Variants in IMMP2L observed in about 807,000 individuals in gnomAD.
IMMP2L encodes the protein inner mitochondrial membrane peptidase subunit 2.
IMMP2L carries 18 observed loss-of-function variants against 19.3 expected under a neutral mutation model. The observed-to-expected ratio is 0.93, with a 90% CI of 0.64 to 1.38. The LOEUF (loss-of-function observed/expected upper bound fraction) is 1.38, where lower values mean the gene tolerates loss of function less well. IMMP2L is among the 40% of genes most tolerant of loss of function. The pLI, the probability that IMMP2L is intolerant of heterozygous loss-of-function variation, is 0.00. For missense variants in IMMP2L, 233 were observed against 218.2 expected (o/e 1.07, Z -0.43); for synonymous variants, 76 against 73.0 (o/e 1.04, Z -0.21).
chr7:111,048,283 A>G (rs1792647846), intron 3 of IMMP2L, among the ~76,000 whole-genome samples: 1 of 150,360 alleles, frequency 6.7e-6, no homozygotes, highest in Non-Finnish European at 1.5e-5. Context: ...AGAAAAAAGA[A>G]AAAAAGAAAT....
intron 3 of IMMP2L, among the ~76,000 whole-genome samples, chr7:111,400,920 A>G (rs973766434): frequency 6.6e-6 from 1 of 152,162 alleles, no homozygotes; most frequent in Non-Finnish European, 1.5e-5. Context: ...CAAAAAAGAA[A>G]AAAAAAAGGA....
chr7:110,932,556 A>C (rs1192221875), intron 4 of IMMP2L, among the ~76,000 whole-genome samples: 1 of 152,014 alleles, frequency 6.6e-6, no homozygotes, highest in Non-Finnish European at 1.5e-5. Context: ...GGGTTTCACC[A>C]TGTTAGCCAG....
At chr7:111,277,249 A>T (rs1819174525) in intron 3 of IMMP2L, among the ~76,000 whole-genome samples, 1 of 152,210 alleles carries the variant, frequency 6.6e-6, no homozygotes, top group Non-Finnish European at 1.5e-5. Flanking sequence ...GAACTCAAAC[A>T]ACTCTACAAG....
chr7:110,846,841 T>C (rs11505899), intron 5 of IMMP2L, among the ~76,000 whole-genome samples: 8,137 of 152,256 alleles, frequency 0.053, 708 homozygotes, highest in African/African-American at 0.18. Flanking sequence ...ACTCAATTTC[T>C]TCAATTACCA....
intron 1 of IMMP2L, among the ~76,000 whole-genome samples, chr7:111,539,196 GAGAAAGAA>G (rs56749626): frequency 0.13 from 3,876 of 29,766 alleles, 524 homozygotes; most frequent in East Asian, 0.15. Context: ...AGGAAGGAGG[GAGAAAGAA>G]AGAAAGAAAG....
intron 2 of IMMP2L, among the ~76,000 whole-genome samples, chr7:111,508,803 C>G (rs1371711522): frequency 6.6e-6 from 1 of 152,166 alleles, no homozygotes; most frequent in Non-Finnish European, 1.5e-5. Flanking sequence ...GCCAAATAGG[C>G]AAGTTCTCAA....
In IMMP2L at chr7:111,295,913, T is replaced by G. The variant is rs567853611; in HGVS notation, c.239+191325A>C. ...TACCCAAATATAAAACCTACCACTA[T>G]AAAACTTTCGGAACACATAGAAGAA... On this transcript the variant is annotated intron_variant, in intron 3 of 5. Coordinates refer to ENST00000405709, the MANE Select transcript of IMMP2L (RefSeq NM_032549.4). Among the ~76,000 whole-genome samples, 11 of 148,222 alleles carry G rather than the reference T, an allele frequency of 7.4e-5. No homozygotes were observed. The South Asian group carries it at 2.3e-3, about 31-fold the overall frequency.
intron 3 of IMMP2L, among the ~76,000 whole-genome samples, chr7:110,967,501 G>A (rs553145134): frequency 2.0e-5 from 3 of 151,790 alleles, no homozygotes; most frequent in South Asian, 2.1e-4. Context: ...CTGTGACTTG[G>A]GTAGATTTTT....
intron 3 of IMMP2L, among the ~76,000 whole-genome samples, chr7:111,167,182 G>A (rs1029127882): frequency 4.0e-5 from 6 of 151,848 alleles, no homozygotes; most frequent in African/African-American, 1.2e-4. Context: ...ATCTGACCAC[G>A]TCATGAACCA....
At chr7:111,238,906 A>G (rs893166301) in intron 3 of IMMP2L, among the ~76,000 whole-genome samples, 1 of 151,952 alleles carries the variant, frequency 6.6e-6, no homozygotes. Context: ...TAAGACAGGC[A>G]TAACAACAAC....
At chr7:110,823,549 T>C (rs1410889626) in intron 5 of IMMP2L, among the ~76,000 whole-genome samples, 5 of 152,212 alleles carry the variant, frequency 3.3e-5, no homozygotes, top group Admixed American at 2.6e-4. Context: ...ATCCTAAGAA[T>C]AGGGACATTC....
At chr7:111,323,940 A>G (rs937554680) in intron 3 of IMMP2L, among the ~76,000 whole-genome samples, 1 of 152,058 alleles carries the variant, frequency 6.6e-6, no homozygotes, top group African/African-American at 2.4e-5. Context: ...GAAATGAACA[A>G]TGAGAACACA....
intron 3 of IMMP2L, among the ~76,000 whole-genome samples, chr7:111,355,580 T>C (rs112090108): frequency 3.9e-5 from 6 of 151,958 alleles, no homozygotes; most frequent in African/African-American, 1.4e-4. Flanking sequence ...TGAAAACTTC[T>C]ACTCAAAACA....
intron 3 of IMMP2L, among the ~76,000 whole-genome samples, chr7:111,063,708 A>G (rs551540078): frequency 1.3e-5 from 2 of 152,148 alleles, no homozygotes; most frequent in Non-Finnish European, 2.9e-5. Flanking sequence ...TCAAGTTCAG[A>G]GTTCCACAAA....
At chr7:110,672,440 C>T (rs1791985311) in intron 5 of IMMP2L, among the ~76,000 whole-genome samples, 1 of 152,098 alleles carries the variant, frequency 6.6e-6, no homozygotes, top group African/African-American at 2.4e-5. Flanking sequence ...CCAGCCCCTC[C>T]CAAATCTCAT....
chr7:111,121,207 GTTT>G (rs560829141), intron 3 of IMMP2L, among the ~76,000 whole-genome samples: 47 of 152,170 alleles, frequency 3.1e-4, no homozygotes, highest in African/African-American at 1.1e-3. Context: ...GGGGTTGTTT[GTTT>G]TTTTCTTGTA....
intron 3 of IMMP2L, among the ~76,000 whole-genome samples, chr7:111,407,904 A>T (rs1261340715): frequency 2.6e-5 from 4 of 152,032 alleles, no homozygotes; most frequent in Non-Finnish European, 5.9e-5. Context: ...ACTCACTGAA[A>T]ATTTGCTTAG....
chr7:111,118,683 C>T (rs1323455921), intron 3 of IMMP2L, among the ~76,000 whole-genome samples: 5 of 152,088 alleles, frequency 3.3e-5, no homozygotes, highest in African/African-American at 9.7e-5. Flanking sequence ...TTATTACTTA[C>T]TTATTATCCT....
intron 3 of IMMP2L, among the ~76,000 whole-genome samples, chr7:111,259,733 T>C (rs1817113339): frequency 6.6e-6 from 1 of 151,748 alleles, no homozygotes; most frequent in African/African-American, 2.4e-5. Flanking sequence ...TTTTTGACTT[T>C]TGTAATAACA....
Sources: gnomAD v4.1 joint callset for allele counts (sites outside exome capture counted in the v4.1 genomes callset) on GRCh38, gnomAD v4.1.1 for gene constraint, MANE v1.5 for transcripts, NCBI Gene and HGNC (gene_info 2026-07-23, HGNC 2026-07-21) for gene names.